The following TRABD2B variants were observed in gnomAD, a reference collection of about 807,000 sequenced individuals.
The protein encoded by TRABD2B is metalloprotease TIKI2.
TRABD2B carries 14 observed loss-of-function variants against 40.1 expected under a neutral mutation model. The observed-to-expected ratio is 0.35, with a 90% CI of 0.23 to 0.55. TRABD2B has a LOEUF of 0.55. Ranked by LOEUF, TRABD2B falls within the 20% of genes least tolerant of loss-of-function variation. The pLI is 0.90. For synonymous variants in TRABD2B, 263 were observed against 277.0 expected, an observed-to-expected ratio of 0.95 and a Z score of 0.50; for missense variants, 541 against 648.6, an observed-to-expected ratio of 0.83 and a Z score of 1.80.
intron 4 of TRABD2B, among the ~76,000 whole-genome samples, chr1:47,787,271 G>A (rs1381803462): frequency 6.6e-6 from 1 of 152,140 alleles, no homozygotes; most frequent in Non-Finnish European, 1.5e-5. Flanking sequence ...TTCAGTGCCA[G>A]TCACTCAAAC....
chr1:47,765,090 C>T lies in TRABD2B; in HGVS notation c.*812G>A, dbSNP rs886357974. 1 of 152,256 alleles carries T rather than the reference C, an allele frequency of 6.6e-6. No homozygotes were observed. The highest frequency in any genetic ancestry group is 1.5e-5 in the Non-Finnish European group (1 of 68,084). The allele number at this position is 152,256 out of a possible 1,614,324, so 9.4% of individuals were successfully genotyped here. A position where few individuals can be genotyped will look rare whatever the true frequency, so the allele number is the denominator to read the frequency against. The stretch of plus-strand genomic sequence containing the variant: ...GACTTCAACAGCCTCTCCTTTAACC[C>T]AAGCTGGATTCATGACACCAGAACA... On this transcript the variant is annotated 3_prime_UTR_variant, in exon 7 of 7. Coordinates refer to ENST00000606738, the MANE Select transcript of TRABD2B (RefSeq NM_001194986.2).
At chr1:47,832,089 T>G (rs1340188435) in intron 2 of TRABD2B, among the ~76,000 whole-genome samples, 1 of 152,112 alleles carries the variant, frequency 6.6e-6, no homozygotes, top group Non-Finnish European at 1.5e-5. Flanking sequence ...TCCCAGCACT[T>G]TGGGAGGCCA....
rs865995286 is a variant in TRABD2B, at chr1:47,990,836, A to T, written c.666+3198T>A. ...ATATATATATATATATATATATATA[A>T]AACGTTGGTTTTAGTGTTGAGGCTG... On this transcript the variant is annotated intron_variant, in intron 2 of 6. Coordinates refer to ENST00000606738, the MANE Select transcript of TRABD2B (RefSeq NM_001194986.2). 3.6e-3 allele frequency among the ~76,000 whole-genome samples: 322 copies of T among 89,960 alleles called. 3 individuals are homozygous for T. The highest frequency in any genetic ancestry group is 0.035 in the Middle Eastern group (4 of 114). 59.0% of individuals were successfully genotyped at this position (89,960 alleles called of 152,430 possible).
intron 2 of TRABD2B, among the ~76,000 whole-genome samples, chr1:47,954,098 A>C (rs1645384547): frequency 6.6e-6 from 1 of 152,226 alleles, no homozygotes; most frequent in Admixed American, 6.5e-5. Context: ...CAAGAAATGC[A>C]AGTAACAAGG....
In TRABD2B at chr1:47,848,654, G is replaced by A. The variant is rs149597666; in HGVS notation, c.667-47035C>T. Among the ~76,000 whole-genome samples the A allele has an allele frequency of 3.2e-4, 49 of 152,312 alleles. No individual in the cohort carries two copies. In the East Asian group the frequency reaches 9.1e-3, roughly 28 times the overall value. On this transcript the variant is annotated intron_variant, in intron 2 of 6. Transcript: ENST00000606738. ...GACACAAACGAGGAAACTGAGGGCTGCAAATATTCCCTGAATGTTGGGTTA... is the reference window on the plus strand; with the variant it reads ...GACACAAACGAGGAAACTGAGGGCTACAAATATTCCCTGAATGTTGGGTTA...
chr1:47,898,202 C>T (rs187427684), intron 2 of TRABD2B, among the ~76,000 whole-genome samples: 9 of 152,304 alleles, frequency 5.9e-5, no homozygotes, highest in East Asian at 1.9e-4. Context: ...GCAGGGGCTA[C>T]GAAGGCTGGA....
chr1:47,965,337 G>A (rs1645587275), intron 2 of TRABD2B, among the ~76,000 whole-genome samples: 1 of 151,140 alleles, frequency 6.6e-6, no homozygotes, highest in African/African-American at 2.4e-5. Context: ...GTCTGGCAAG[G>A]TCCAGGACAA....
intron 4 of TRABD2B, 68 bp downstream of exon 4, chr1:47,794,518 G>C (rs1186899629): frequency 1.4e-6 from 2 of 1,453,234 alleles, no homozygotes; most frequent in African/African-American, 2.8e-5. Context: ...ATGAAGTAGA[G>C]GTTAGGGGAG....
At chr1:47,820,782 C>CACACA in intron 2 of TRABD2B, among the ~76,000 whole-genome samples, 2 of 147,110 alleles carry the variant, frequency 1.4e-5, no homozygotes, top group East Asian at 4.0e-4. Flanking sequence ...TTCACACACA[C>CACACA]CACACACACA....
At chr1:47,992,117 T>C (rs1349095797) in intron 2 of TRABD2B, among the ~76,000 whole-genome samples, 1 of 152,192 alleles carries the variant, frequency 6.6e-6, no homozygotes, top group East Asian at 1.9e-4. Flanking sequence ...TGGGACTTGC[T>C]TTCTGCAGCT....
chr1:47,828,353 CT>C (rs1284189152), intron 2 of TRABD2B, among the ~76,000 whole-genome samples: 1 of 152,150 alleles, frequency 6.6e-6, no homozygotes, highest in African/African-American at 2.4e-5. Context: ...TGGCGTCCCC[CT>C]ATGTGGGTGA....
intron 2 of TRABD2B, among the ~76,000 whole-genome samples, chr1:47,892,637 G>C (rs1644463680): frequency 6.6e-6 from 1 of 152,226 alleles, no homozygotes; most frequent in Admixed American, 6.5e-5. Flanking sequence ...GAGACTAACA[G>C]AGGCTACTGA....
chr1:47,991,533 C>T (rs895391332), intron 2 of TRABD2B, among the ~76,000 whole-genome samples: 2 of 152,136 alleles, frequency 1.3e-5, no homozygotes, highest in Non-Finnish European at 1.5e-5. Flanking sequence ...TTCCAAGCTG[C>T]GCAAGGGTGG....
chr1:47,887,165 T>C (rs920527355), intron 2 of TRABD2B, among the ~76,000 whole-genome samples: 1 of 152,184 alleles, frequency 6.6e-6, no homozygotes, highest in Non-Finnish European at 1.5e-5. Context: ...ACACATTACA[T>C]GTATTAACAC....
intron 2 of TRABD2B, among the ~76,000 whole-genome samples, chr1:47,918,317 T>C (rs1419997264): frequency 6.6e-6 from 1 of 152,160 alleles, no homozygotes; most frequent in Non-Finnish European, 1.5e-5. Flanking sequence ...AGTAGATGAA[T>C]AGGAAAACAT....
At chr1:47,832,345 A>AG (rs1244732852) in intron 2 of TRABD2B, among the ~76,000 whole-genome samples, 1 of 151,712 alleles carries the variant, frequency 6.6e-6, no homozygotes, top group Non-Finnish European at 1.5e-5. Flanking sequence ...AAAAAAAAAG[A>AG]GGTCAGACGT....
chr1:47,990,819 AT>A, intron 2 of TRABD2B, among the ~76,000 whole-genome samples: 1 of 80,690 alleles, frequency 1.2e-5, no homozygotes, highest in South Asian at 4.1e-4. Context: ...ATATATATAT[AT>A]ATATATATAT....
chr1:47,805,584 T>C (rs1235086169), intron 2 of TRABD2B, among the ~76,000 whole-genome samples: 2 of 152,168 alleles, frequency 1.3e-5, no homozygotes, highest in Non-Finnish European at 2.9e-5. Flanking sequence ...TTAGCAGACA[T>C]TCAGGAAGCA....
Position 47,865,876 on chromosome 1 carries a change from T to C in TRABD2B, c.667-64257A>G, listed in dbSNP as rs576151786. Among the ~76,000 whole-genome samples the C allele has an allele frequency of 4.6e-4, 70 of 152,194 alleles. 1 individual carries two copies. The highest frequency in any genetic ancestry group is 1.6e-3 in the African/African-American group (67 of 41,530). On this transcript the variant is annotated intron_variant, in intron 2 of 6. Transcript: ENST00000606738. ...ATGCACTCAGTGGGTTTGAAATCAG[T>C]TGAGCCTGGGTTCCCATCTCAACTT...
Sources: allele counts gnomAD v4.1 joint callset (sites outside exome capture counted in the v4.1 genomes callset), GRCh38; gene constraint gnomAD v4.1.1; transcripts MANE v1.5; gene names NCBI Gene and HGNC (gene_info 2026-07-23, HGNC 2026-07-21).